WDR41: variants seen among roughly 807,000 people sequenced by gnomAD.
WDR41 encodes WD repeat-containing protein 41.
WDR41 carries 63 observed loss-of-function variants against 69.3 expected under a neutral mutation model. That is an observed-to-expected ratio of 0.91 (90% CI 0.74 to 1.12). The LOEUF (loss-of-function observed/expected upper bound fraction) is 1.12, where lower values mean the gene tolerates loss of function less well. WDR41 is among the 50% of genes most tolerant of loss of function. The pLI is 0.00. For missense variants in WDR41, 543 were observed against 534.5 expected, an observed-to-expected ratio of 1.02 and a Z score of -0.16; for synonymous variants, 185 against 192.1, an observed-to-expected ratio of 0.96 and a Z score of 0.31.
At chr5:77,549,133 G>A (rs1743251724) in intron 1 of WDR41, among the ~76,000 whole-genome samples, 1 of 151,196 alleles carries the variant, frequency 6.6e-6, no homozygotes. Context: ...GACTCAGGGG[G>A]AAAGGGGGAA....
chr5:77,475,921 G>GA (rs969994568), intron 2 of WDR41, among the ~76,000 whole-genome samples: 3 of 151,664 alleles, frequency 2.0e-5, no homozygotes, highest in Non-Finnish European at 2.9e-5. Flanking sequence ...TGAAAACTTT[G>GA]AAAAAAAATT....
intron 1 of WDR41, among the ~76,000 whole-genome samples, chr5:77,584,007 G>A (rs1252600581): frequency 4.6e-5 from 7 of 152,134 alleles, no homozygotes; most frequent in Admixed American, 4.6e-4. Context: ...CATCTCAATA[G>A]ATGCAGAATA....
upstream of WDR41, chr5:77,492,558 AGC>A (rs2112136533): frequency 6.5e-6 from 2 of 307,402 alleles, no homozygotes; most frequent in East Asian, 1.1e-4. Context: ...AGGTAGCTCG[AGC>A]GGCCCCTGGT....
intron 1 of WDR41, among the ~76,000 whole-genome samples, chr5:77,519,619 T>A (rs2112188346): frequency 6.6e-6 from 1 of 151,746 alleles, no homozygotes; most frequent in African/African-American, 2.4e-5. Context: ...CTTTTTATTC[T>A]AAAAAAAACC....
intron 5 of WDR41, among the ~76,000 whole-genome samples, chr5:77,456,453 A>G (rs2151312509): frequency 6.6e-6 from 1 of 152,318 alleles, no homozygotes; most frequent in South Asian, 2.1e-4. Flanking sequence ...TGCTAAATCC[A>G]TTTACTAGCC....
chr5:77,592,026 T>G (rs1744145801), intron 1 of WDR41, among the ~76,000 whole-genome samples: 1 of 152,160 alleles, frequency 6.6e-6, no homozygotes, highest in African/African-American at 2.4e-5. Context: ...ATGTTTTATT[T>G]GATATGTATT....
intron 1 of WDR41, among the ~76,000 whole-genome samples, chr5:77,609,043 C>T (rs12657161): frequency 0.11 from 17,002 of 152,148 alleles, 970 homozygotes; most frequent in East Asian, 0.2. Context: ...CACGGAGTCT[C>T]GCTGATTGCT....
chr5:77,611,071 A>C (rs1245373207), intron 1 of WDR41, among the ~76,000 whole-genome samples: 1 of 152,236 alleles, frequency 6.6e-6, no homozygotes, highest in Non-Finnish European at 1.5e-5. Flanking sequence ...GCCATTATAT[A>C]ATGGTAAAGA....
upstream of WDR41, among the ~76,000 whole-genome samples, chr5:77,493,588 A>T (rs867996102): frequency 2.0e-4 from 30 of 152,156 alleles, no homozygotes; most frequent in African/African-American, 6.8e-4. Context: ...CGGCAAGAAC[A>T]CACTCCCAAG....
intron 8 of WDR41, among the ~76,000 whole-genome samples, chr5:77,445,852 G>C (rs1799359728): frequency 1.3e-5 from 2 of 152,122 alleles, no homozygotes; most frequent in Non-Finnish European, 2.9e-5. Context: ...CATTCCCTTT[G>C]AAACCTGGTA....
At chr5:77,453,650 A>G (rs1231143562) in intron 6 of WDR41, among the ~76,000 whole-genome samples, 167 bp downstream of exon 6, 1 of 152,176 alleles carries the variant, frequency 6.6e-6, no homozygotes, top group Non-Finnish European at 1.5e-5. Context: ...ATAAAAATAT[A>G]TTTTACACAA....
intron 1 of WDR41, among the ~76,000 whole-genome samples, chr5:77,597,080 G>A (rs1390004115): frequency 6.6e-6 from 1 of 151,732 alleles, no homozygotes; most frequent in Non-Finnish European, 1.5e-5. Flanking sequence ...CCATGATTGT[G>A]CCACTGTAAT....
chr5:77,475,327 G>GGCCT (rs1193171523), intron 2 of WDR41, among the ~76,000 whole-genome samples: 16 of 152,316 alleles, frequency 1.1e-4, no homozygotes, highest in Admixed American at 2.0e-4. Flanking sequence ...AGCTCAAGGA[G>GGCCT]GCCTGCCTGC....
chr5:77,479,360 A>G (rs374443062), intron 2 of WDR41, among the ~76,000 whole-genome samples: 30 of 152,222 alleles, frequency 2.0e-4, no homozygotes, highest in African/African-American at 3.1e-4. Context: ...AGCCCGCATC[A>G]CCAAGTCAAT....
intron 1 of WDR41, among the ~76,000 whole-genome samples, chr5:77,531,045 A>G (rs1802522223): frequency 6.6e-6 from 1 of 151,858 alleles, no homozygotes; most frequent in South Asian, 2.1e-4. Context: ...AACTAAAACT[A>G]TAAAACTCTT....
intron 1 of WDR41, among the ~76,000 whole-genome samples, chr5:77,520,900 C>A (rs1158051563): frequency 2.6e-5 from 4 of 152,162 alleles, no homozygotes; most frequent in Non-Finnish European, 5.9e-5. Context: ...GACAAATTTG[C>A]TCTTCAGCCG....
chr5:77,467,113 G>A (rs561120499), intron 2 of WDR41, among the ~76,000 whole-genome samples: 103 of 151,878 alleles, frequency 6.8e-4, no homozygotes, highest in Admixed American at 9.8e-4. Context: ...AAGGTATAGT[G>A]TAACTGCTGA....
intron 1 of WDR41, among the ~76,000 whole-genome samples, chr5:77,513,814 C>G (rs374982650): frequency 3.3e-5 from 5 of 152,174 alleles, no homozygotes; most frequent in Admixed American, 6.5e-5. Flanking sequence ...AGAAGACCCT[C>G]TGAATGGTAA....
At chr5:77,592,325 A>G (rs953776395) in intron 1 of WDR41, among the ~76,000 whole-genome samples, 18 of 152,174 alleles carry the variant, frequency 1.2e-4, no homozygotes, top group African/African-American at 4.3e-4. Flanking sequence ...TAGTGTAACT[A>G]TGATAATATC....
Sources: allele counts gnomAD v4.1 joint callset (sites outside exome capture counted in the v4.1 genomes callset), GRCh38; gene constraint gnomAD v4.1.1; transcripts MANE v1.5; gene names NCBI Gene and HGNC (gene_info 2026-07-23, HGNC 2026-07-21).